DCDC1: variants seen among roughly 807,000 people sequenced by gnomAD.
DCDC1 encodes the protein doublecortin domain containing 1.
A neutral mutation model predicts 178.3 loss-of-function variants in DCDC1; 200 were observed. The observed-to-expected ratio is 1.12, with a 90% CI of 1.00 to 1.26. DCDC1 has a LOEUF of 1.26. Ranked by LOEUF, DCDC1 falls within the 50% of genes most tolerant of loss-of-function variation. The probability of loss-of-function intolerance (pLI) is 0.00; values close to 1 mark genes in which losing one functional copy is unlikely to be tolerated. For missense variants in DCDC1, 1,983 were observed against 1,749.2 expected (o/e 1.13, Z -2.38); for synonymous variants, 690 against 604.8 (o/e 1.14, Z -2.07).
intron 1 of DCDC1, among the ~76,000 whole-genome samples, chr11:31,352,175 AG>A (rs1453961648): frequency 2.0e-5 from 3 of 152,136 alleles, no homozygotes; most frequent in Non-Finnish European, 2.9e-5. Context: ...GACAAACGTA[AG>A]GTAACAAAAC....
intron 6 of DCDC1, among the ~76,000 whole-genome samples, chr11:31,301,107 T>C (rs995320234): frequency 5.9e-5 from 9 of 152,212 alleles, no homozygotes; most frequent in African/African-American, 2.2e-4. Context: ...ATACATAAAA[T>C]ATTTTCCTAT....
In DCDC1 at chr11:30,930,533, G is replaced by A. The variant is rs188469697; in HGVS notation, c.2897+1238C>T. Among the ~76,000 whole-genome samples, 408 of 152,164 alleles carry A rather than the reference G, an allele frequency of 2.7e-3. 1 individual carries two copies. The highest frequency in any genetic ancestry group is 4.2e-3 in the Admixed American group (64 of 15,260). On this transcript the variant is annotated intron_variant, in intron 22 of 38. Transcript: ENST00000684477. ...AATACCTGAATACGTGATGAACTGG[G>A]ACATACTGTTCCATGAACATAGCAT...
At chr11:31,075,415 G>T (rs1410414693) in intron 18 of DCDC1, among the ~76,000 whole-genome samples, 1 of 151,944 alleles carries the variant, frequency 6.6e-6, no homozygotes, top group Non-Finnish European at 1.5e-5. Flanking sequence ...TCCAGTAGTG[G>T]GATTGCCGGA....
In DCDC1 at chr11:31,213,900, G is replaced by C. The variant is rs1973188512; in HGVS notation, c.1221+27550C>G. On this transcript the variant is annotated intron_variant, in intron 9 of 38. Transcript: ENST00000684477. ...GAAGTATTTATTTATATTGTTGAGTGTGTACACATGTACATGTATCTACAC... is the reference window on the plus strand; with the variant it reads ...GAAGTATTTATTTATATTGTTGAGTCTGTACACATGTACATGTATCTACAC... Among the ~76,000 whole-genome samples, 4 of 152,074 alleles carry C rather than the reference G, an allele frequency of 2.6e-5. No individual in the cohort carries two copies. The South Asian group carries it at 8.3e-4, about 32-fold the overall frequency.
At chr11:31,104,068 T>C (rs1220665493) in intron 13 of DCDC1, among the ~76,000 whole-genome samples, 1 of 152,196 alleles carries the variant, frequency 6.6e-6, no homozygotes, top group Non-Finnish European at 1.5e-5. Context: ...ATTCACATAA[T>C]GTTCATTTTC....
intron 24 of DCDC1, among the ~76,000 whole-genome samples, chr11:30,922,181 T>C (rs1378752025): frequency 1.3e-5 from 2 of 152,224 alleles, no homozygotes; most frequent in African/African-American, 4.8e-5. Flanking sequence ...TAGAGAAATC[T>C]GAAAGCTCTC....
intron 20 of DCDC1, among the ~76,000 whole-genome samples, chr11:30,962,788 T>C (rs1049235254): frequency 6.6e-6 from 1 of 152,100 alleles, no homozygotes; most frequent in Non-Finnish European, 1.5e-5. Flanking sequence ...AGCTTCCTGG[T>C]TATTTAGATT....
At chr11:31,309,681 CT>C (rs1014125752) in intron 3 of DCDC1, among the ~76,000 whole-genome samples, 2 of 151,876 alleles carry the variant, frequency 1.3e-5, no homozygotes, top group South Asian at 2.1e-4. Flanking sequence ...AATAAGGTGT[CT>C]TTTTTAATGA....
Position 31,064,523 on chromosome 11 carries a change from G to A in DCDC1, c.2537C>T (p.Thr846Ile). The change falls in exon 20 of 39, where the codon ACA becomes ATA. Residue 846 changes from threonine (T) to isoleucine (I), a missense_variant. Coordinates refer to ENST00000684477, the MANE Select transcript of DCDC1 (RefSeq NM_001387274.1). The part of the protein sequence containing the change: ...EGSLEETGEL[T>I]VALVRKLEEK... Reference sequence around the variant, plus strand: ...TTCCAGTTTCCTCACCAGTGCTACTGTCAGCTCCCCCGTCTCCTCAAGAGA... The same window carrying A: ...TTCCAGTTTCCTCACCAGTGCTACTATCAGCTCCCCCGTCTCCTCAAGAGA... 1.3e-6 allele frequency: 1 copy of A among 765,962 alleles called. No homozygotes were observed. Among genetic ancestry groups the A allele is most frequent in the East Asian group, 2.4e-5 (1 of 41,228 alleles). 47.4% of individuals were successfully genotyped at this position (765,962 alleles called of 1,614,324 possible).
intron 20 of DCDC1, among the ~76,000 whole-genome samples, chr11:31,051,223 A>G (rs1490588531): frequency 1.3e-5 from 2 of 152,214 alleles, no homozygotes; most frequent in East Asian, 1.9e-4. Flanking sequence ...TAGAAGAAAG[A>G]AATTCAGAGC....
chr11:31,205,899 A>G (rs528000816), intron 9 of DCDC1, among the ~76,000 whole-genome samples: 1 of 152,306 alleles, frequency 6.6e-6, no homozygotes, highest in South Asian at 2.1e-4. Flanking sequence ...CCTATAATTT[A>G]TCTGGCAACC....
chr11:31,213,113 C>G, intron 9 of DCDC1, among the ~76,000 whole-genome samples: 1 of 50,666 alleles, frequency 2.0e-5, no homozygotes, highest in Non-Finnish European at 4.6e-5. Context: ...CTCTCTCTCT[C>G]TCTCTCTCTC....
intron 34 of DCDC1, 125 bp from the exon 35 acceptor site, chr11:30,894,509 T>C (rs888529152): frequency 1.4e-5 from 19 of 1,325,116 alleles, no homozygotes; most frequent in Middle Eastern, 2.5e-4. Context: ...ACTAAATATA[T>C]CATAAAAGCA....
chr11:31,314,436 T>C (rs1241510634), intron 3 of DCDC1: 2 of 152,118 alleles, frequency 1.3e-5, no homozygotes, highest in Non-Finnish European at 2.9e-5. Context: ...TAAAATAACA[T>C]CTATTTATGA....
chr11:31,035,761 ATGGATCTTGCTTACAGC>A (rs1953983535), intron 20 of DCDC1, among the ~76,000 whole-genome samples: 1 of 152,240 alleles, frequency 6.6e-6, no homozygotes, highest in Admixed American at 6.5e-5. Flanking sequence ...GCCTGCACTG[ATGGATCTTGCTTACAGC>A]AATTATTGTT....
At chr11:31,100,673 T>C (rs1196090703) in intron 15 of DCDC1, among the ~76,000 whole-genome samples, 1 of 152,242 alleles carries the variant, frequency 6.6e-6, no homozygotes, top group African/African-American at 2.4e-5. Flanking sequence ...CTGACTGTAA[T>C]GTACAGTATA....
In DCDC1 at chr11:31,137,275, G is replaced by A. The variant is rs916310148; in HGVS notation, c.1314+417C>T. Among the ~76,000 whole-genome samples, 4 of 150,170 alleles carry A rather than the reference G, an allele frequency of 2.7e-5. No homozygotes were observed. The East Asian group carries it at 7.8e-4, about 29-fold the overall frequency. On this transcript the variant is annotated intron_variant, in intron 10 of 38. Transcript: ENST00000684477. ...GATCACTTTGTTTCTATCATAAGTT[G>A]TTTTCAGTTAACAAGAGTTGATTTA...
chr11:31,139,354 TA>T (rs1963544133), intron 9 of DCDC1, among the ~76,000 whole-genome samples: 1 of 152,178 alleles, frequency 6.6e-6, no homozygotes, highest in South Asian at 2.1e-4. Flanking sequence ...AAGGGATATA[TA>T]AAAAAGCCCT....
At chr11:31,087,402 A>G (rs1221059046) in intron 17 of DCDC1, among the ~76,000 whole-genome samples, 1 of 150,934 alleles carries the variant, frequency 6.6e-6, no homozygotes, top group Non-Finnish European at 1.5e-5. Context: ...TTTGTGTTTC[A>G]TTGGCTCTTA....
Sources: gnomAD v4.1 joint callset for allele counts (sites outside exome capture counted in the v4.1 genomes callset) on GRCh38, gnomAD v4.1.1 for gene constraint, MANE v1.5 for transcripts, NCBI Gene and HGNC (gene_info 2026-07-23, HGNC 2026-07-21) for gene names.